Variants in GMDS observed in about 807,000 individuals in gnomAD.
The protein encoded by GMDS is GDP-mannose 4,6-dehydratase.
GMDS carries 20 observed loss-of-function variants against 49.9 expected under a neutral mutation model. The ratio of observed to expected loss-of-function variants is 0.40; its 90% CI spans 0.28 to 0.58. The LOEUF is 0.58. GMDS is among the 20% of genes least tolerant of loss of function. The probability of loss-of-function intolerance (pLI) is 0.42; values close to 1 mark genes in which losing one functional copy is unlikely to be tolerated. For synonymous variants in GMDS, 177 were observed against 178.6 expected, an observed-to-expected ratio of 0.99 and a Z score of 0.07; for missense variants, 362 against 481.4, an observed-to-expected ratio of 0.75 and a Z score of 2.32.
At chr6:1,810,431 T>C (rs983987912) in intron 7 of GMDS, among the ~76,000 whole-genome samples, 5 of 152,070 alleles carry the variant, frequency 3.3e-5, no homozygotes, top group Admixed American at 6.5e-5. Flanking sequence ...TACAGGTGTG[T>C]GCCACCACAC....
At chr6:1,656,785 C>T (rs559365341) in intron 9 of GMDS, among the ~76,000 whole-genome samples, 2 of 151,908 alleles carry the variant, frequency 1.3e-5, no homozygotes, top group East Asian at 3.9e-4. Flanking sequence ...AAAATTACAT[C>T]TTCTGGATCT....
intron 9 of GMDS, among the ~76,000 whole-genome samples, chr6:1,627,492 C>T (rs1373969118): frequency 3.3e-5 from 5 of 152,300 alleles, no homozygotes; most frequent in African/African-American, 7.2e-5. Flanking sequence ...GAGAGGGGAG[C>T]GTGGGCCATG....
chr6:2,183,392 A>T (rs1293024604), intron 1 of GMDS, among the ~76,000 whole-genome samples: 1 of 152,234 alleles, frequency 6.6e-6, no homozygotes, highest in Non-Finnish European at 1.5e-5. Context: ...CAAGACTGCC[A>T]TGGAGGAAGA....
At chr6:1,893,210 T>TC (rs1376536275) in intron 7 of GMDS, among the ~76,000 whole-genome samples, 1 of 150,124 alleles carries the variant, frequency 6.7e-6, no homozygotes, top group African/African-American at 2.4e-5. Flanking sequence ...TTTTTTTTTT[T>TC]TGAGACGGAG....
At position 1,640,413 on chromosome 6, in the gene GMDS, G is replaced by A. The variant is rs114197103; in HGVS notation, c.988-15873C>T. Among the ~76,000 whole-genome samples, 525 of 152,234 alleles carry A rather than the reference G, an allele frequency of 3.4e-3. 4 individuals carry two copies. The highest frequency in any genetic ancestry group is 0.012 in the African/African-American group (501 of 41,526). ...TGCAGGTGTGTTATGCACCTGTCAC[G>A]GGGTAAGGCCTTCCACGTATGCTCG... On this transcript the variant is annotated intron_variant, in intron 9 of 10. Coordinates refer to ENST00000380815, the MANE Select transcript of GMDS (RefSeq NM_001500.4). The surrounding 1 kb of genome is among the most constrained non-coding windows in gnomAD (Gnocchi z 4.0).
intron 4 of GMDS, among the ~76,000 whole-genome samples, chr6:1,996,122 C>CCTTCCTCCTTCCTCTT (rs1049711337): frequency 2.6e-5 from 4 of 151,598 alleles, no homozygotes; most frequent in East Asian, 1.9e-4. Flanking sequence ...CCTTCCTCCT[C>CCTTCCTCCTTCCTCTT]CTTCCTCCTT....
At chr6:1,904,378 T>A (rs904564827) in intron 7 of GMDS, among the ~76,000 whole-genome samples, 1 of 152,186 alleles carries the variant, frequency 6.6e-6, no homozygotes, top group Non-Finnish European at 1.5e-5. Flanking sequence ...TGTGGCCGTC[T>A]GTCCTTCCTG....
chr6:1,984,480 G>A (rs1224479691), intron 4 of GMDS, among the ~76,000 whole-genome samples: 1 of 151,728 alleles, frequency 6.6e-6, no homozygotes, highest in East Asian at 1.9e-4. Context: ...CTGGCCCTGA[G>A]GGTGAAAACA....
intron 7 of GMDS, among the ~76,000 whole-genome samples, chr6:1,793,882 G>A (rs1485536544): frequency 6.6e-6 from 1 of 152,158 alleles, no homozygotes; most frequent in Non-Finnish European, 1.5e-5. Flanking sequence ...ATGAAGAAAT[G>A]TTTGTACTCA....
chr6:1,641,660 AC>A lies in GMDS; in HGVS notation c.988-17121del, dbSNP rs1454460583. ...GCTCCATTCTGCTGCTCAAGGCATTACCTCCAGCAGTCAGGCGCGTACAGCT... is the reference window on the plus strand; with the variant it reads ...GCTCCATTCTGCTGCTCAAGGCATTACTCCAGCAGTCAGGCGCGTACAGCT... On this transcript the variant is annotated intron_variant, in intron 9 of 10. Coordinates refer to ENST00000380815, the MANE Select transcript of GMDS (RefSeq NM_001500.4). 2.0e-5 allele frequency among the ~76,000 whole-genome samples: 3 copies of A among 151,448 alleles called. No individual in the cohort carries two copies. In the East Asian group the frequency reaches 5.8e-4, roughly 29 times the overall value.
At chr6:2,106,493 G>C (rs1774249291) in intron 4 of GMDS, among the ~76,000 whole-genome samples, 1 of 152,028 alleles carries the variant, frequency 6.6e-6, no homozygotes, top group Admixed American at 6.5e-5. Flanking sequence ...GGGGGCGGGG[G>C]AGATACATTA....
chr6:1,858,342 C>T (rs564492806), intron 7 of GMDS, among the ~76,000 whole-genome samples: 8 of 152,206 alleles, frequency 5.3e-5, no homozygotes, highest in Admixed American at 3.3e-4. Context: ...AAGTTATAAA[C>T]GCACCAAATA....
chr6:1,684,096 A>AT (rs1247546069), intron 9 of GMDS, among the ~76,000 whole-genome samples: 6 of 151,442 alleles, frequency 4.0e-5, no homozygotes, highest in South Asian at 2.1e-4. Context: ...TCTATCAGCT[A>AT]TTTTTTTTGT....
At chr6:2,169,633 A>C (rs977692703) in intron 1 of GMDS, among the ~76,000 whole-genome samples, 16 of 151,834 alleles carry the variant, frequency 1.1e-4, no homozygotes, top group Non-Finnish European at 2.2e-4. Context: ...AAAAAAAAAA[A>C]AAACAAAAAA....
chr6:2,036,857 G>A (rs9503075), intron 4 of GMDS, among the ~76,000 whole-genome samples: 3,752 of 152,236 alleles, frequency 0.025, 150 homozygotes, highest in African/African-American at 0.084. Context: ...CCAAATTAAC[G>A]TGGCGTAGCT....
chr6:2,143,817 C>G (rs941856316), intron 1 of GMDS, among the ~76,000 whole-genome samples: 1 of 152,188 alleles, frequency 6.6e-6, no homozygotes, highest in East Asian at 1.9e-4. Flanking sequence ...TTAACTATCA[C>G]CTCCATTGTC....
intron 9 of GMDS, among the ~76,000 whole-genome samples, chr6:1,636,534 CAT>C (rs1289669971): frequency 6.6e-6 from 1 of 152,218 alleles, no homozygotes; most frequent in African/African-American, 2.4e-5. Flanking sequence ...TCAAGAGACT[CAT>C]GTGAGAACAC....
At chr6:1,791,487 C>T (rs2113636588) in intron 7 of GMDS, among the ~76,000 whole-genome samples, 1 of 152,154 alleles carries the variant, frequency 6.6e-6, no homozygotes, top group Middle Eastern at 3.4e-3. Flanking sequence ...ATTATGAAGC[C>T]CTGGCCTCTT....
rs190309341 is a variant in GMDS at position 1,658,884 on chromosome 6, C to T, written c.988-34344G>A. On this transcript the variant is annotated intron_variant, in intron 9 of 10. Transcript: ENST00000380815. ...TGAGAGTTTGCTTAGAGAAAAGAGA[C>T]GTCCTGGAATACCTGAACGGCTCTC... Among the ~76,000 whole-genome samples, 15 of 152,328 alleles carry T rather than the reference C, an allele frequency of 9.8e-5. 1 individual carries two copies. In the East Asian group the frequency reaches 2.3e-3, roughly 24 times the overall value.
Sources: allele counts gnomAD v4.1 joint callset (sites outside exome capture counted in the v4.1 genomes callset), GRCh38; gene constraint gnomAD v4.1.1; non-coding constraint Gnocchi (gnomAD v3.1); transcripts MANE v1.5; gene names NCBI Gene and HGNC (gene_info 2026-07-23, HGNC 2026-07-21).